The following RGS5 variants were observed in gnomAD, a reference collection of about 807,000 sequenced individuals.
RGS5 encodes the protein regulator of G protein signaling 5, also known as regulator of G-protein signalling 5.
Under a neutral mutation model 18.9 loss-of-function variants are expected in RGS5, and 20 were observed. The observed-to-expected ratio is 1.06, with a 90% CI of 0.74 to 1.54. RGS5 has a LOEUF of 1.54. Ranked by LOEUF, RGS5 falls within the 40% of genes most tolerant of loss-of-function variation. The probability of loss-of-function intolerance (pLI) is 0.00; values close to 1 mark genes in which losing one functional copy is unlikely to be tolerated. For missense variants in RGS5, 201 were observed against 211.8 expected, an observed-to-expected ratio of 0.95 and a Z score of 0.32; for synonymous variants, 57 against 76.2, an observed-to-expected ratio of 0.75 and a Z score of 1.31.
At chr1:163,172,474 G>T in intron 1 of RGS5, 1 of 1,448,884 alleles carries the variant, frequency 6.9e-7, no homozygotes, top group Admixed American at 2.2e-5. Flanking sequence ...AGAGTTTTTT[G>T]TGGAATGATC....
intron 1 of RGS5, among the ~76,000 whole-genome samples, chr1:163,317,694 T>C (rs1650064006): frequency 6.6e-6 from 1 of 152,182 alleles, no homozygotes; most frequent in African/African-American, 2.4e-5. Context: ...CATGATCTGG[T>C]CCCTGTTTAC....
chr1:163,160,969 G>A (rs1657774785), intron 3 of RGS5, among the ~76,000 whole-genome samples: 1 of 152,128 alleles, frequency 6.6e-6, no homozygotes, highest in African/African-American at 2.4e-5. Flanking sequence ...TCATAGAAGT[G>A]AGCCAACTAT....
In RGS5 at chr1:163,280,679, T is replaced by C. The variant is rs76205905; in HGVS notation, c.-281+25554A>G. Among the ~76,000 whole-genome samples the C allele has an allele frequency of 5.5e-4, 84 of 152,232 alleles. No homozygotes were observed. The East Asian group carries it at 0.015, about 28-fold the overall frequency. ...AGATGAATCAACATTGTTAAAATGA[T>C]CATACTAGCAAAGCAATCTATAGAT... On this transcript the variant is annotated intron_variant, in intron 2 of 5. Transcript: ENST00000618415.
At chr1:163,210,759 C>T (rs1039449865) in intron 1 of RGS5, 4 of 152,130 alleles carry the variant, frequency 2.6e-5, no homozygotes, top group African/African-American at 7.2e-5. Flanking sequence ...TTCCATGACA[C>T]TGAATTTACT....
At chr1:163,282,364 TAAAACC>T (rs766005396) in intron 2 of RGS5, among the ~76,000 whole-genome samples, 10 of 152,066 alleles carry the variant, frequency 6.6e-5, no homozygotes, top group Admixed American at 1.3e-4. Context: ...ATCAGGAAAT[TAAAACC>T]ACAATGAGAT....
intron 3 of RGS5, among the ~76,000 whole-genome samples, chr1:163,158,600 T>G (rs1657678913): frequency 6.6e-6 from 1 of 151,988 alleles, no homozygotes; most frequent in South Asian, 2.1e-4. Context: ...TTTTTATTAG[T>G]GATTTTCAAA....
At chr1:163,202,672 G>T in intron 1 of RGS5, 120 bp downstream of exon 1, 3 of 757,432 alleles carry the variant, frequency 4.0e-6, no homozygotes, top group South Asian at 3.5e-5. Context: ...CTACAGTCAA[G>T]CACCTGTTTC....
In RGS5 at chr1:163,217,622, T is replaced by C. The variant is rs1660247332; in HGVS notation, c.-28A>G. On this transcript the variant is annotated 5_prime_UTR_variant, in exon 1 of 6. Transcript: ENST00000367903. Reference sequence around the variant, plus strand: ...TTCACTGAGGTTTTGTTTCTTTGTTTTGTCAGACACTTCTTTCCTGGGCTA... The same window carrying C: ...TTCACTGAGGTTTTGTTTCTTTGTTCTGTCAGACACTTCTTTCCTGGGCTA... The C allele has an allele frequency of 2.6e-6, 4 of 1,539,360 alleles. No homozygotes were observed. In the South Asian group the frequency reaches 4.9e-5, roughly 19 times the overall value.
intron 1 of RGS5, among the ~76,000 whole-genome samples, chr1:163,210,546 G>C (rs1204852084): frequency 6.6e-6 from 1 of 152,120 alleles, no homozygotes; most frequent in East Asian, 1.9e-4. Context: ...AAGAAAGAGA[G>C]AAAGTATCTC....
At chr1:163,318,228 C>T (rs1407814231) in intron 1 of RGS5, among the ~76,000 whole-genome samples, 1 of 152,106 alleles carries the variant, frequency 6.6e-6, no homozygotes, top group Non-Finnish European at 1.5e-5. Flanking sequence ...GAAAGGGAAA[C>T]AAGACTGGGA....
chr1:163,297,405 C>T (rs1200508510), intron 2 of RGS5, among the ~76,000 whole-genome samples: 2 of 152,064 alleles, frequency 1.3e-5, no homozygotes, highest in Non-Finnish European at 2.9e-5. Flanking sequence ...GTTTTCTGGA[C>T]CATGAAGAAA....
intron 4 of RGS5, among the ~76,000 whole-genome samples, chr1:163,150,917 C>A (rs1188931042): frequency 1.3e-5 from 2 of 152,154 alleles, no homozygotes; most frequent in African/African-American, 2.4e-5. Flanking sequence ...GAGTTTTTCT[C>A]TCTCAAACAT....
chr1:163,253,905 G>A (rs1275948540), intron 2 of RGS5, among the ~76,000 whole-genome samples: 2 of 151,180 alleles, frequency 1.3e-5, no homozygotes, highest in Admixed American at 6.6e-5. Flanking sequence ...GCAGTGATTA[G>A]TTTTTTGTTC....
chr1:163,244,029 G>A (rs1647868619), intron 2 of RGS5, among the ~76,000 whole-genome samples: 1 of 152,194 alleles, frequency 6.6e-6, no homozygotes, highest in African/African-American at 2.4e-5. Context: ...AATAACCTAT[G>A]AGAAGGATTT....
chr1:163,307,730 T>A (rs1649744030), intron 1 of RGS5, among the ~76,000 whole-genome samples: 1 of 152,202 alleles, frequency 6.6e-6, no homozygotes, highest in Admixed American at 6.5e-5. Context: ...TACTCATCAC[T>A]GAAGTACAAC....
At chr1:163,301,282 G>A (rs1557935841) in intron 2 of RGS5, among the ~76,000 whole-genome samples, 1 of 151,150 alleles carries the variant, frequency 6.6e-6, no homozygotes, top group African/African-American at 2.4e-5. Context: ...TGAGATAGAG[G>A]AAAAAATCAG....
At chr1:163,265,512 A>G (rs756145744) in intron 2 of RGS5, among the ~76,000 whole-genome samples, 10 of 152,214 alleles carry the variant, frequency 6.6e-5, no homozygotes, top group Admixed American at 2.0e-4. Context: ...GTAGGCTATA[A>G]ATAATAATAG....
intron 2 of RGS5, among the ~76,000 whole-genome samples, chr1:163,268,814 C>T (rs1020582278): frequency 6.6e-6 from 1 of 152,118 alleles, no homozygotes; most frequent in Admixed American, 6.6e-5. Flanking sequence ...TCTAGGTGTT[C>T]TTTCCTGTGG....
chr1:163,289,168 T>C (rs1028009676), intron 2 of RGS5, among the ~76,000 whole-genome samples: 40 of 152,182 alleles, frequency 2.6e-4, no homozygotes, highest in Non-Finnish European at 1.8e-4. Context: ...CCTGTCAATG[T>C]TGCCCTGTAA....
Sources: gnomAD v4.1 joint callset for allele counts (sites outside exome capture counted in the v4.1 genomes callset) on GRCh38, gnomAD v4.1.1 for gene constraint, MANE v1.5 for transcripts, NCBI Gene and HGNC (gene_info 2026-07-23, HGNC 2026-07-21) for gene names.